C8B: variants seen among roughly 807,000 people sequenced by gnomAD.
C8B encodes complement component C8 beta chain.
In C8B, 67 loss-of-function variants were observed where a neutral mutation model predicts 64.6. The ratio of observed to expected loss-of-function variants is 1.04; its 90% CI spans 0.85 to 1.27. C8B has a LOEUF of 1.27. Ranked by LOEUF, C8B falls within the 50% of genes most tolerant of loss-of-function variation. C8B has a pLI of 0.00. For synonymous variants in C8B, 284 were observed against 257.7 expected (o/e 1.10, Z -0.98); for missense variants, 790 against 725.2 (o/e 1.09, Z -1.03).
chr1:56,933,287 T>C (rs1192937234), intron 10 of C8B, 48 bp downstream of exon 10: 1 of 1,559,594 alleles, frequency 6.4e-7, no homozygotes, highest in Non-Finnish European at 8.8e-7. Context: ...CCCGGCCTGC[T>C]TCAGATTATG....
intron 11 of C8B, 115 bp from the exon 12 acceptor site, chr1:56,929,673 C>A: frequency 1.0e-6 from 1 of 952,838 alleles, no homozygotes; most frequent in Non-Finnish European, 1.7e-6. Context: ...TCTCTGAGCT[C>A]CCTGCTGCCA....
Position 56,946,072 on chromosome 1 carries a change from T to C in C8B, c.865-11A>G, listed in dbSNP as rs776510959. On this transcript the variant is annotated splice_polypyrimidine_tract_variant and intron_variant, in intron 6 of 11. Transcript: ENST00000371237. The stretch of plus-strand genomic sequence containing the variant: ...CAGAAATACGCTTTTCTAAATGAAA[T>C]ACCAACATGGGAAAACCAGACCTTT... 7 of 1,613,826 alleles carry C rather than the reference T, an allele frequency of 4.3e-6. No individual in the cohort carries two copies. In the African/African-American group the frequency reaches 6.7e-5, roughly 15 times the overall value.
chr1:56,959,194 G>T (rs1285014262), intron 2 of C8B, among the ~76,000 whole-genome samples: 1 of 152,184 alleles, frequency 6.6e-6, no homozygotes, highest in Non-Finnish European at 1.5e-5. Context: ...CTTCCCTGTA[G>T]AGATATCAGA....
intron 9 of C8B, among the ~76,000 whole-genome samples, chr1:56,935,923 C>T (rs1353209731): frequency 6.6e-6 from 1 of 152,214 alleles, no homozygotes; most frequent in Non-Finnish European, 1.5e-5. Flanking sequence ...ACTTTCTTCA[C>T]TTAACATCAG....
At chr1:56,947,297 C>T (rs1644955875) in intron 6 of C8B, among the ~76,000 whole-genome samples, 1 of 152,194 alleles carries the variant, frequency 6.6e-6, no homozygotes, top group Non-Finnish European at 1.5e-5. Context: ...GCCTCTCTGG[C>T]TTCAGCTTCT....
In C8B at chr1:56,952,077, G is replaced by A; in HGVS notation, c.637C>T (p.Pro213Ser). The A allele has an allele frequency of 6.2e-7, 1 of 1,614,128 alleles. No homozygotes were observed. Among genetic ancestry groups the A allele is most frequent in the Non-Finnish European group, 8.5e-7 (1 of 1,180,014 alleles). The change falls in exon 5 of 12, where the codon CCC (proline) becomes TCC (serine). Residue 213 changes from proline to serine, a missense_variant. Transcript: ENST00000371237. ...GGCGTGTAGCTTTCCACATTGTAGGGCTTCCTAAACCTCGTGTTCAGGATG... is the reference window on the plus strand; with the variant it reads ...GGCGTGTAGCTTTCCACATTGTAGGACTTCCTAAACCTCGTGTTCAGGATG... ...HYILNTRFRKPYNVESYTPQT... is the reference protein window; with the variant it reads ...HYILNTRFRKSYNVESYTPQT...
In C8B at chr1:56,934,583, GGTAC is replaced by G. The variant is rs1227892509; in HGVS notation, c.1399-1099_1399-1096del. On this transcript the variant is annotated intron_variant, in intron 9 of 11. Coordinates refer to ENST00000371237, the MANE Select transcript of C8B (RefSeq NM_000066.4). ...CCTAATCCTGCCCTGGAGAGTTTAG[GGTAC>G]GTCTAAATGCAGGCAATCATGACTA... is the stretch of plus-strand genomic sequence containing the variant. Among the ~76,000 whole-genome samples, 4 of 152,232 alleles carry G rather than the reference GGTAC, an allele frequency of 2.6e-5. No homozygotes were observed. The East Asian group carries it at 7.7e-4, about 29-fold the overall frequency.
chr1:56,963,972 C>T, intron 1 of C8B: 1 of 985,362 alleles, frequency 1.0e-6, no homozygotes, highest in Non-Finnish European at 1.2e-6. Flanking sequence ...TATTCTTCTA[C>T]TCGCAGATGG....
intron 2 of C8B, chr1:56,959,491 G>T (rs536850923): frequency 1.7e-6 from 2 of 1,202,630 alleles, no homozygotes; most frequent in African/African-American, 3.0e-5. Flanking sequence ...TTGTGAGTAG[G>T]TGTTCACCAG....
Position 56,954,772 on chromosome 1 carries a change from C to A in C8B, c.447G>T (p.Gln149His). The A allele has an allele frequency of 6.2e-7, 1 of 1,614,210 alleles. No homozygotes were observed. Among genetic ancestry groups the A allele is most frequent in the Non-Finnish European group, 8.5e-7 (1 of 1,180,016 alleles). The change falls in exon 4 of 12, where the codon CAG (glutamine) becomes CAT (histidine). Residue 149 changes from glutamine (Q) to histidine (H), a missense_variant. By Grantham distance (24) the Gln-to-His change is conservative (BLOSUM62 0). Transcript: ENST00000371237. ...LCNGDNDCGD[Q>H]SDEANCRRIY... ...TCCTTCTACAGTTTGCTTCATCTGA[C>A]TGGTCTCCACAGTCATTGTCCCCAT...
At chr1:56,963,884 C>T in intron 1 of C8B, 1 of 985,344 alleles carries the variant, frequency 1.0e-6, no homozygotes, top group Non-Finnish European at 1.2e-6. Context: ...GACTTGATTA[C>T]AAGAGTAAGT....
In C8B at chr1:56,945,958, C is replaced by T. The variant is rs758366170; in HGVS notation, c.968G>A (p.Arg323Gln). 8 of 1,614,078 alleles carry T rather than the reference C, an allele frequency of 5.0e-6. No individual in the cohort carries two copies. The South Asian group carries it at 5.5e-5, about 11-fold the overall frequency. The change falls in exon 7 of 12, where the codon CGG becomes CAG. Residue 323 changes from arginine to glutamine, a missense_variant. Physicochemically the swap from Arg to Gln is conservative, Grantham distance 43. Coordinates refer to ENST00000371237, the MANE Select transcript of C8B (RefSeq NM_000066.4). ...LHYEFLQRVKRLPLEYSYGEY... is the reference protein window; with the variant it reads ...LHYEFLQRVKQLPLEYSYGEY... Reference sequence around the variant, plus strand: ...CCCGTAGCTGTACTCCAGGGGCAGCCGCTTAACTCTCTGAAGGAACTCGTA... The same window carrying T: ...CCCGTAGCTGTACTCCAGGGGCAGCTGCTTAACTCTCTGAAGGAACTCGTA...
Position 56,932,313 on chromosome 1 carries a change from G to C in C8B, c.1553-435C>G, listed in dbSNP as rs144019937. 3.0e-3 allele frequency among the ~76,000 whole-genome samples: 463 copies of C among 152,300 alleles called. 2 individuals are homozygous for C. Among genetic ancestry groups the C allele is most frequent in the African/African-American group, 0.011 (443 of 41,550 alleles). Reference sequence around the variant, plus strand: ...TTTGGCCAGTTCTGACTCCTTGGAAGTGATGCCCTATGTGAATTTGTAATC... The same window carrying C: ...TTTGGCCAGTTCTGACTCCTTGGAACTGATGCCCTATGTGAATTTGTAATC... On this transcript the variant is annotated intron_variant, in intron 10 of 11. Coordinates refer to ENST00000371237, the MANE Select transcript of C8B (RefSeq NM_000066.4).
intron 3 of C8B, 69 bp from the exon 4 acceptor site, chr1:56,954,896 AC>A: frequency 6.3e-7 from 1 of 1,591,814 alleles, no homozygotes; most frequent in Non-Finnish European, 8.6e-7. Context: ...TAGTATAAGC[AC>A]CTACCAAGTG....
Position 56,931,118 on chromosome 1 carries a change from G to A in C8B, c.1621+692C>T, listed in dbSNP as rs537915153. On this transcript the variant is annotated intron_variant, in intron 11 of 11. Transcript: ENST00000371237. ...ACATGTGCCATTTCCATATTGAACAGTATCACCAAAAAGTCGCTGAAAGGA... is the reference window on the plus strand; with the variant it reads ...ACATGTGCCATTTCCATATTGAACAATATCACCAAAAAGTCGCTGAAAGGA... 3.9e-4 allele frequency among the ~76,000 whole-genome samples: 60 copies of A among 152,328 alleles called. 1 individual carries two copies. Among genetic ancestry groups the A allele is most frequent in the Middle Eastern group, 6.8e-3 (2 of 294 alleles).
At chr1:56,936,739 G>T (rs1026431260) in intron 9 of C8B, among the ~76,000 whole-genome samples, 1 of 151,710 alleles carries the variant, frequency 6.6e-6, no homozygotes, top group South Asian at 2.1e-4. Context: ...GATTACAGGC[G>T]CATGCCACCA....
Position 56,954,797 on chromosome 1 carries a change from T to C in C8B, c.422A>G (p.Asn141Ser), listed in dbSNP as rs1248909836. The C allele has an allele frequency of 3.1e-6, 5 of 1,613,960 alleles. No homozygotes were observed. Among genetic ancestry groups the C allele is most frequent in the Non-Finnish European group, 4.2e-6 (5 of 1,179,954 alleles). The change falls in exon 4 of 12, where the codon AAT becomes AGT. Residue 141 changes from asparagine to serine, a missense_variant. By Grantham distance (46) the Asn-to-Ser change is conservative. Transcript: ENST00000371237. Reference sequence around the variant, plus strand: ...CTGGTCTCCACAGTCATTGTCCCCATTGCAAAGAAGTCTGCGGTTTACACA... The same window carrying C: ...CTGGTCTCCACAGTCATTGTCCCCACTGCAAAGAAGTCTGCGGTTTACACA... ...GRCVNRRLLC[N>S]GDNDCGDQSD...
At chr1:56,929,878 A>C (rs1426894380) in intron 11 of C8B, among the ~76,000 whole-genome samples, 2 of 152,004 alleles carry the variant, frequency 1.3e-5, no homozygotes, top group Non-Finnish European at 2.9e-5. Flanking sequence ...ATTCCCTGTG[A>C]CTCCTAACTC....
chr1:56,944,893 A>G (rs777400057), intron 7 of C8B, among the ~76,000 whole-genome samples: 8 of 152,150 alleles, frequency 5.3e-5, no homozygotes, highest in Non-Finnish European at 7.3e-5. Flanking sequence ...ACTTAACCCA[A>G]CAAGTGCCAT....
Sources: gnomAD v4.1 joint callset for allele counts (sites outside exome capture counted in the v4.1 genomes callset) on GRCh38, gnomAD v4.1.1 for gene constraint, MANE v1.5 for transcripts, NCBI Gene and HGNC (gene_info 2026-07-23, HGNC 2026-07-21) for gene names.